ITPR2: variants seen among roughly 807,000 people sequenced by gnomAD.
ITPR2 encodes inositol 1,4,5-trisphosphate receptor type 2.
Under a neutral mutation model 317.1 loss-of-function variants are expected in ITPR2, and 207 were observed. The ratio of observed to expected loss-of-function variants is 0.65; its 90% CI spans 0.58 to 0.73. The LOEUF (loss-of-function observed/expected upper bound fraction) is 0.73. Among genes scored for constraint, ITPR2 ranks in the 30% least tolerant of loss-of-function variants. ITPR2 has a pLI of 0.00. For missense variants in ITPR2, 2,613 were observed against 3,284.0 expected (o/e 0.80, Z 4.99); for synonymous variants, 1,156 against 1,149.1 (o/e 1.01, Z -0.12).
intron 56 of ITPR2, 27 bp downstream of exon 56, chr12:26,340,140 C>T: frequency 6.4e-7 from 1 of 1,570,268 alleles, no homozygotes; most frequent in Non-Finnish European, 8.6e-7. Context: ...TTATCCCACC[C>T]AGCCCCATCT....
In ITPR2 at chr12:26,592,284, G is replaced by GA. The variant is rs1470663631; in HGVS notation, c.4380+3180dup. ...GGTAGTGGGGCAGAGGGGAAGTGGG[G>GA]ATGGTTAATGGGTACAAATATACAG... On this transcript the variant is annotated intron_variant, in intron 32 of 56. Coordinates refer to ENST00000381340, the MANE Select transcript of ITPR2 (RefSeq NM_002223.4). 2.0e-5 allele frequency among the ~76,000 whole-genome samples: 3 copies of GA among 152,222 alleles called. No homozygotes were observed. In the East Asian group the frequency reaches 5.8e-4, roughly 29 times the overall value.
intron 21 of ITPR2, among the ~76,000 whole-genome samples, chr12:26,634,211 G>C (rs550687706): frequency 3.5e-4 from 54 of 152,256 alleles, no homozygotes; most frequent in African/African-American, 1.3e-3. Context: ...GATGAGAAGT[G>C]CTAAAATTGT....
intron 55 of ITPR2, among the ~76,000 whole-genome samples, chr12:26,350,877 G>C (rs1172658987): frequency 6.6e-6 from 1 of 152,212 alleles, no homozygotes; most frequent in East Asian, 1.9e-4. Context: ...ATAAGCCTTA[G>C]CTGTCTACAG....
At position 26,637,795 on chromosome 12, in the gene ITPR2, G is replaced by A. The variant is rs572301714; in HGVS notation, c.2741-5736C>T. Among the ~76,000 whole-genome samples, 75 of 152,096 alleles carry A rather than the reference G, an allele frequency of 4.9e-4. No individual in the cohort carries two copies. The South Asian group carries it at 0.013, about 27-fold the overall frequency. ...TATAGTTCATAATGTCTTATAATAC[G>A]GCATGATCAAAACACAATATTGACT... On this transcript the variant is annotated intron_variant, in intron 21 of 56. Coordinates refer to ENST00000381340, the MANE Select transcript of ITPR2 (RefSeq NM_002223.4).
intron 55 of ITPR2, among the ~76,000 whole-genome samples, chr12:26,349,085 C>T (rs1311195453): frequency 6.6e-6 from 1 of 152,148 alleles, no homozygotes; most frequent in African/African-American, 2.4e-5. Flanking sequence ...AAGGTAGAGA[C>T]TGTAGTGAGC....
chr12:26,461,627 AATATATATATAT>A lies in ITPR2; in HGVS notation c.6342+13657_6342+13668del, dbSNP rs754482854. ...ACAATAAGAAAAAGAAAAGCATATA[AATATATATATAT>A]ATATATATATATATATATATATATA... On this transcript the variant is annotated intron_variant, in intron 45 of 56. Transcript: ENST00000381340. Among the ~76,000 whole-genome samples, 370 of 48,712 alleles carry A rather than the reference AATATATATATAT, an allele frequency of 7.6e-3. 5 individuals carry two copies. Among genetic ancestry groups the A allele is most frequent in the Admixed American group, 0.033 (140 of 4,242 alleles). The allele number at this position is 48,712 out of a possible 152,430, so 32.0% of individuals were successfully genotyped here.
At chr12:26,603,827 T>C (rs1946059181) in intron 26 of ITPR2, among the ~76,000 whole-genome samples, 1 of 152,166 alleles carries the variant, frequency 6.6e-6, no homozygotes, top group Non-Finnish European at 1.5e-5. Context: ...ACTAGTTATA[T>C]GGAAAACGGC....
In ITPR2 at chr12:26,337,086, G is replaced by A. The variant is rs1441683920; in HGVS notation, c.*2311C>T. Reference sequence around the variant, plus strand: ...TAAATTTTGATGAAATAAGAGTCTTGTTAGTTGCAGTCTCTTTTGAATACT... The same window carrying A: ...TAAATTTTGATGAAATAAGAGTCTTATTAGTTGCAGTCTCTTTTGAATACT... On this transcript the variant is annotated 3_prime_UTR_variant, in exon 57 of 57. Coordinates refer to ENST00000381340, the MANE Select transcript of ITPR2 (RefSeq NM_002223.4). 6.7e-6 allele frequency: 1 copy of A among 148,714 alleles called. No homozygotes were observed. Among genetic ancestry groups the A allele is most frequent in the Non-Finnish European group, 1.5e-5 (1 of 67,458 alleles). The allele number at this position is 148,714 out of a possible 1,614,324, so 9.2% of individuals were successfully genotyped here.
intron 2 of ITPR2, among the ~76,000 whole-genome samples, chr12:26,750,522 G>A (rs1044682158): frequency 2.0e-5 from 3 of 152,170 alleles, no homozygotes; most frequent in Non-Finnish European, 2.9e-5. Flanking sequence ...ATGGTGACTT[G>A]TTAAGAAGTT....
intron 13 of ITPR2, among the ~76,000 whole-genome samples, chr12:26,670,752 G>A (rs1237493242): frequency 2.6e-5 from 4 of 152,172 alleles, no homozygotes; most frequent in Admixed American, 6.5e-5. Context: ...AAACTACTCC[G>A]AGCTACAGGA....
chr12:26,711,684 G>C (rs937110529), intron 8 of ITPR2, among the ~76,000 whole-genome samples: 5 of 152,326 alleles, frequency 3.3e-5, no homozygotes, highest in Admixed American at 3.3e-4. Context: ...ATGGAAAAGA[G>C]AGAGCCAGCG....
intron 26 of ITPR2, among the ~76,000 whole-genome samples, chr12:26,616,916 T>C (rs977322264): frequency 2.0e-5 from 3 of 151,686 alleles, no homozygotes; most frequent in African/African-American, 7.3e-5. Context: ...TAAATATATT[T>C]TCTTTTCCTT....
intron 9 of ITPR2, 101 bp downstream of exon 9, chr12:26,711,072 A>G (rs1183285615): frequency 2.8e-6 from 2 of 714,930 alleles, no homozygotes; most frequent in Admixed American, 4.3e-5. Flanking sequence ...AAATTTGTGT[A>G]ATGACTGTTC....
At chr12:26,811,474 G>T (rs1003232391) in intron 1 of ITPR2, among the ~76,000 whole-genome samples, 1 of 151,686 alleles carries the variant, frequency 6.6e-6, no homozygotes, top group African/African-American at 2.4e-5. Flanking sequence ...GGTTGGGCGC[G>T]GTGGCTCACG....
chr12:26,454,908 T>C (rs957393706), intron 45 of ITPR2, among the ~76,000 whole-genome samples: 2 of 152,206 alleles, frequency 1.3e-5, no homozygotes, highest in African/African-American at 4.8e-5. Flanking sequence ...GGATCTGTGC[T>C]CCTAATGCTC....
At chr12:26,629,042 G>C (rs555057886) in intron 22 of ITPR2, among the ~76,000 whole-genome samples, 6 of 152,298 alleles carry the variant, frequency 3.9e-5, no homozygotes, top group Admixed American at 2.6e-4. Flanking sequence ...TCTCAAAAGT[G>C]TCGTATTTGG....
chr12:26,364,954 C>T (rs545510850), intron 55 of ITPR2, among the ~76,000 whole-genome samples: 7 of 152,244 alleles, frequency 4.6e-5, no homozygotes, highest in East Asian at 1.9e-4. Flanking sequence ...ATCTTCAGGT[C>T]GGCCTCCCCA....
At chr12:26,658,333 G>A (rs1287163191) in intron 16 of ITPR2, among the ~76,000 whole-genome samples, 1 of 151,960 alleles carries the variant, frequency 6.6e-6, no homozygotes, top group Non-Finnish European at 1.5e-5. Context: ...TTTAATATAA[G>A]TCTTGTTTCA....
chr12:26,548,173 T>C (rs11611069), intron 37 of ITPR2, among the ~76,000 whole-genome samples: 23,096 of 152,220 alleles, frequency 0.15, 2,413 homozygotes, highest in Non-Finnish European at 0.23. Flanking sequence ...CACCACTTGC[T>C]GGAACAATTG....
Sources: allele counts gnomAD v4.1 joint callset (sites outside exome capture counted in the v4.1 genomes callset), GRCh38; gene constraint gnomAD v4.1.1; transcripts MANE v1.5; gene names NCBI Gene and HGNC (gene_info 2026-07-23, HGNC 2026-07-21).